LRRC63: variants seen among roughly 807,000 people sequenced by gnomAD.
LRRC63 encodes leucine rich repeat containing 63, also known as leucine-rich repeat-containing protein 63.
In LRRC63, 40 loss-of-function variants were observed where a neutral mutation model predicts 49.5. The observed-to-expected ratio is 0.81, with a 90% CI of 0.63 to 1.05. LRRC63 has a LOEUF of 1.05. Among genes scored for constraint, LRRC63 ranks in the 50% least tolerant of loss-of-function variants. LRRC63 has a pLI of 0.00. For missense variants in LRRC63, 636 were observed against 663.1 expected (o/e 0.96, Z 0.45); for synonymous variants, 191 against 221.1 (o/e 0.86, Z 1.21).
chr13:46,260,231 A>G (rs1031502848), intron 7 of LRRC63, among the ~76,000 whole-genome samples: 2 of 152,238 alleles, frequency 1.3e-5, no homozygotes, highest in Admixed American at 6.5e-5. Flanking sequence ...GGAAGATAGA[A>G]TGACTCCAGA....
chr13:46,247,220 G>T (rs569144629), intron 6 of LRRC63, among the ~76,000 whole-genome samples: 2 of 152,140 alleles, frequency 1.3e-5, no homozygotes, highest in Non-Finnish European at 2.9e-5. Flanking sequence ...TTTGGCAAAT[G>T]TATTTTCTTC....
intron 4 of LRRC63, among the ~76,000 whole-genome samples, chr13:46,232,499 C>T (rs924663790): frequency 5.9e-5 from 9 of 152,234 alleles, no homozygotes; most frequent in Middle Eastern, 3.4e-3. Context: ...TTGGAATTTC[C>T]GTTGAAATTC....
intron 2 of LRRC63, among the ~76,000 whole-genome samples, chr13:46,226,244 A>G (rs2046573236): frequency 6.6e-6 from 1 of 152,026 alleles, no homozygotes; most frequent in Non-Finnish European, 1.5e-5. Flanking sequence ...TCAGCATCCC[A>G]AAGTGCTGGG....
At chr13:46,242,204 T>C (rs573828960) in intron 5 of LRRC63, among the ~76,000 whole-genome samples, 1 of 152,216 alleles carries the variant, frequency 6.6e-6, no homozygotes, top group Non-Finnish European at 1.5e-5. Context: ...CTTAGCAAAC[T>C]AACTCAGGGA....
At chr13:46,247,254 C>T (rs1566497280) in intron 6 of LRRC63, among the ~76,000 whole-genome samples, 1 of 152,006 alleles carries the variant, frequency 6.6e-6, no homozygotes, top group African/African-American at 2.4e-5. Context: ...GTATTGAAAA[C>T]ATATATTTTC....
rs77230079 is a variant in LRRC63 at position 46,259,424 on chromosome 13, T to G, written c.1227-2485T>G. Among the ~76,000 whole-genome samples the G allele has an allele frequency of 7.1e-3, 1,084 of 152,274 alleles. 13 individuals are homozygous for G. The highest frequency in any genetic ancestry group is 0.025 in the African/African-American group (1,019 of 41,554). ...AAGTCTTTATCTTTTTCTCAGTGGA[T>G]AGCAGGAGAAAAATGACATAGGAAA... On this transcript the variant is annotated intron_variant, in intron 7 of 9. Coordinates refer to ENST00000595396, the Ensembl canonical transcript of LRRC63.
At chr13:46,225,156 T>C (rs987269865) in intron 2 of LRRC63, among the ~76,000 whole-genome samples, 4 of 152,232 alleles carry the variant, frequency 2.6e-5, no homozygotes, top group African/African-American at 9.6e-5. Context: ...GGGTCCTGCA[T>C]GCTGTGGGCT....
intron 3 of LRRC63, 40 bp from the exon 4 acceptor site, chr13:46,228,625 A>G: frequency 8.2e-7 from 1 of 1,224,934 alleles, no homozygotes; most frequent in Non-Finnish European, 1.2e-6. Flanking sequence ...GAATTTTTAC[A>G]AATATCCAAA....
chr13:46,276,847 TA>T (rs1416478566), exon 10 of LRRC63: 43 of 147,890 alleles, frequency 2.9e-4, no homozygotes, highest in Non-Finnish European at 4.1e-4. Context: ...TATATATATA[TA>T]TATTTATATA....
chr13:46,241,331 A>G (rs922662676), intron 5 of LRRC63, among the ~76,000 whole-genome samples: 24 of 151,896 alleles, frequency 1.6e-4, no homozygotes, highest in Admixed American at 1.2e-3. Context: ...TTCAAGATAT[A>G]TTAAAGACTT....
chr13:46,239,192 C>T (rs1364024127), intron 5 of LRRC63, among the ~76,000 whole-genome samples: 3 of 151,962 alleles, frequency 2.0e-5, no homozygotes, highest in African/African-American at 7.2e-5. Flanking sequence ...ATCAGCAGAT[C>T]CAGGAGTTGA....
At chr13:46,254,524 T>A (rs1257274015) in intron 7 of LRRC63, among the ~76,000 whole-genome samples, 1 of 151,998 alleles carries the variant, frequency 6.6e-6, no homozygotes, top group East Asian at 1.9e-4. Flanking sequence ...AAATATATAG[T>A]TATATGGGTA....
At chr13:46,215,780 A>G (rs2046234412) in intron 2 of LRRC63, among the ~76,000 whole-genome samples, 3 of 151,984 alleles carry the variant, frequency 2.0e-5, no homozygotes. Flanking sequence ...ATCCATCTTG[A>G]GTTAATTTTT....
At chr13:46,254,792 G>A (rs978848160) in intron 7 of LRRC63, among the ~76,000 whole-genome samples, 1 of 152,196 alleles carries the variant, frequency 6.6e-6, no homozygotes, top group East Asian at 1.9e-4. Flanking sequence ...GATTCATGGT[G>A]ACACGAATCT....
At chr13:46,261,538 C>T (rs764378816) in intron 7 of LRRC63, among the ~76,000 whole-genome samples, 7 of 152,176 alleles carry the variant, frequency 4.6e-5, no homozygotes. Context: ...CTGCTAATAC[C>T]TTCATTTCGA....
chr13:46,213,810 C>T (rs894069952), intron 2 of LRRC63, among the ~76,000 whole-genome samples: 1 of 152,186 alleles, frequency 6.6e-6, no homozygotes, highest in Admixed American at 6.5e-5. Context: ...TTGCAGGAAC[C>T]TAGCCCCATA....
At chr13:46,225,432 A>T (rs1230459) in intron 2 of LRRC63, among the ~76,000 whole-genome samples, 1 of 151,956 alleles carries the variant, frequency 6.6e-6, no homozygotes, top group African/African-American at 2.4e-5. Flanking sequence ...GGAGGAGGAG[A>T]TGTCCTGTTC....
intron 4 of LRRC63, among the ~76,000 whole-genome samples, chr13:46,231,585 C>T (rs1201662334): frequency 6.6e-6 from 1 of 152,044 alleles, no homozygotes; most frequent in African/African-American, 2.4e-5. Flanking sequence ...TCTCAGCTCA[C>T]TGCAACCTCC....
intron 2 of LRRC63, 92 bp downstream of exon 2, chr13:46,213,211 C>T: frequency 1.3e-6 from 1 of 757,510 alleles, no homozygotes; most frequent in Non-Finnish European, 2.1e-6. Context: ...AATAAATACA[C>T]TCACTAATAA....
Sources: allele counts gnomAD v4.1 joint callset (sites outside exome capture counted in the v4.1 genomes callset), GRCh38; gene constraint gnomAD v4.1.1; transcripts MANE v1.5; gene names NCBI Gene and HGNC (gene_info 2026-07-23, HGNC 2026-07-21).